Variants in DYNC1H1 observed in about 807,000 individuals in gnomAD.
DYNC1H1 encodes cytoplasmic dynein 1 heavy chain 1.
DYNC1H1 carries 51 observed loss-of-function variants against 527.1 expected under a neutral mutation model. The ratio of observed to expected loss-of-function variants is 0.10; its 90% CI spans 0.08 to 0.12. The LOEUF is 0.12. Ranked by LOEUF, DYNC1H1 falls within the 10% of genes least tolerant of loss-of-function variation. The pLI is 1.00. For synonymous variants in DYNC1H1, 2,189 were observed against 2,278.8 expected (o/e 0.96, Z 1.12); for missense variants, 2,771 against 5,971.8 (o/e 0.46, Z 17.66).
Position 102,038,039 on chromosome 14 carries a change from CAG to C in DYNC1H1, c.10909-418_10909-417del, listed in dbSNP as rs1165851340. ...TTTTTTATTTTATGTTTTTTTGAGA[CAG>C]AGTGTTGCTCTGTCCCCCAGTCTGA... On this transcript the variant is annotated intron_variant, in intron 57 of 77. Transcript: ENST00000360184. The surrounding 1 kb of genome is among the most constrained non-coding windows in gnomAD (Gnocchi z 7.2). The C allele has an allele frequency of 4.4e-5, 13 of 298,348 alleles. No individual in the cohort carries two copies. Among genetic ancestry groups the C allele is most frequent in the African/African-American group, 2.8e-4 (13 of 45,776 alleles). 18.5% of individuals were successfully genotyped at this position (298,348 alleles called of 1,614,324 possible).
At position 102,011,867 on chromosome 14, in the gene DYNC1H1, C is replaced by T. The variant is rs374319743; in HGVS notation, c.6619-8C>T. The T allele has an allele frequency of 1.2e-6, 2 of 1,613,882 alleles. No individual in the cohort carries two copies. Among genetic ancestry groups the T allele is most frequent in the Non-Finnish European group, 1.7e-6 (2 of 1,179,906 alleles). Reference sequence around the variant, plus strand: ...ATGGTCACTGTGCTGGTCTGTTGGGCCCTGCAGGTTCTCCAGCTCTATCAG... The same window carrying T: ...ATGGTCACTGTGCTGGTCTGTTGGGTCCTGCAGGTTCTCCAGCTCTATCAG... On this transcript the variant is annotated splice_region_variant and splice_polypyrimidine_tract_variant and intron_variant, in intron 32 of 77. Transcript: ENST00000360184. This position sits in a 1 kb window ranked among gnomAD's most constrained non-coding sequence, Gnocchi z 5.3.
rs2048324234 is a variant in DYNC1H1, at chr14:102,016,485, A to G, written c.7610A>G (p.Tyr2537Cys). ...PTAPNIPIID[Y>C]EVSISGEWSP... ...GCGCCCAACATACCCATTATCGATT[A>G]TGAGGTGAGCATGCAGCTACCACCC... Residue 2537 changes from tyrosine to cysteine, a missense_variant, in exon 37 of 78, where the codon TAT becomes TGT. By Grantham distance (194) the Tyr-to-Cys change is radical. Transcript: ENST00000360184. The surrounding 1 kb of genome is among the most constrained non-coding windows in gnomAD (Gnocchi z 7.3). 3 of 1,614,162 alleles carry G rather than the reference A, an allele frequency of 1.9e-6. No individual in the cohort carries two copies. Among genetic ancestry groups the G allele is most frequent in the South Asian group, 1.1e-5 (1 of 91,084 alleles).
intron 69 of DYNC1H1, 137 bp from the exon 70 acceptor site, chr14:102,043,737 GC>G: frequency 8.6e-7 from 1 of 1,156,770 alleles, no homozygotes; most frequent in Non-Finnish European, 1.3e-6. Context: ...TCTCCTAGCA[GC>G]AGTACTCATG....
At chr14:101,973,976 T>C (rs1049648086) in intron 1 of DYNC1H1, among the ~76,000 whole-genome samples, 1 of 152,174 alleles carries the variant, frequency 6.6e-6, no homozygotes, top group East Asian at 1.9e-4. Context: ...TACTGCCTGC[T>C]CCACCACCCA....
Position 102,039,284 on chromosome 14 carries a change from G to C in DYNC1H1, c.11460+30G>C. The C allele has an allele frequency of 6.2e-7, 1 of 1,611,834 alleles. No individual in the cohort carries two copies. Among genetic ancestry groups the C allele is most frequent in the Non-Finnish European group, 8.5e-7 (1 of 1,180,004 alleles). Reference sequence around the variant, plus strand: ...GTGCCTTGGCCATGCAGAGACTGGCGGGCCCCGCACAGTAGCTCCTTGGCC... The same window carrying C: ...GTGCCTTGGCCATGCAGAGACTGGCCGGCCCCGCACAGTAGCTCCTTGGCC... On this transcript the variant is annotated intron_variant, in intron 60 of 77. Coordinates refer to ENST00000360184, the MANE Select transcript of DYNC1H1 (RefSeq NM_001376.5). The surrounding 1 kb of genome is among the most constrained non-coding windows in gnomAD (Gnocchi z 7.0).
At chr14:101,975,344 T>C (rs1257300828) in intron 1 of DYNC1H1, among the ~76,000 whole-genome samples, 1 of 152,238 alleles carries the variant, frequency 6.6e-6, no homozygotes, top group Non-Finnish European at 1.5e-5. Context: ...AAGTGACTTC[T>C]GTGTTTGAAG....
In DYNC1H1 at chr14:102,015,270, G is replaced by A; in HGVS notation, c.7180G>A (p.Ala2394Thr). The change falls in exon 35 of 78, where the codon GCA becomes ACA. Residue 2394 changes from alanine (A) to threonine (T), a missense_variant. By Grantham distance (58) the Ala-to-Thr change is moderately conservative. Around this residue, in one of 32 missense-constraint regions of DYNC1H1, gnomAD observed 122 missense variants for 168.4 expected, o/e 0.72. Coordinates refer to ENST00000360184, the MANE Select transcript of DYNC1H1 (RefSeq NM_001376.5). The surrounding 1 kb of genome is among the most constrained non-coding windows in gnomAD (Gnocchi z 6.9). Reference protein sequence around the residue: ...SIPLDEGEDEAQRRRKGKEDE... With the variant: ...SIPLDEGEDETQRRRKGKEDE... ...CCCGCTGGATGAAGGGGAGGATGAG[G>A]CACAGCGGCGGCGTAAGGGCAAAGA... The A allele has an allele frequency of 6.2e-7, 1 of 1,614,206 alleles. No individual in the cohort carries two copies. The highest frequency in any genetic ancestry group is 8.5e-7 in the Non-Finnish European group (1 of 1,180,042).
chr14:102,040,745 C>G, intron 64 of DYNC1H1, 72 bp downstream of exon 64: 2 of 1,542,360 alleles, frequency 1.3e-6, no homozygotes. Flanking sequence ...GGGATGCTTT[C>G]AAAAAACACA....
At chr14:101,977,469 T>C (rs2047814568) in intron 2 of DYNC1H1, among the ~76,000 whole-genome samples, 1 of 152,218 alleles carries the variant, frequency 6.6e-6, no homozygotes, top group African/African-American at 2.4e-5. Flanking sequence ...CCCTAAATAC[T>C]TGTGTGTATT....
chr14:101,989,201 ATTAAAT>A (rs967978896), intron 10 of DYNC1H1, among the ~76,000 whole-genome samples: 8 of 152,368 alleles, frequency 5.3e-5, no homozygotes, highest in African/African-American at 1.9e-4. Flanking sequence ...AAAATGAAAA[ATTAAAT>A]TTTAGGAAAA....
At chr14:102,024,069 T>G (rs534440566) in intron 43 of DYNC1H1, among the ~76,000 whole-genome samples, 1 of 152,208 alleles carries the variant, frequency 6.6e-6, no homozygotes, top group Admixed American at 6.5e-5. Flanking sequence ...GACTTCTGTG[T>G]GAGGGTCGAG....
Position 101,994,201 on chromosome 14 carries a change from A to T in DYNC1H1, c.3033A>T (p.Glu1011Asp), listed in dbSNP as rs755543897. The T allele has an allele frequency of 6.2e-7, 1 of 1,614,090 alleles. No individual in the cohort carries two copies. The highest frequency in any genetic ancestry group is 1.7e-5 in the Admixed American group (1 of 60,004). The part of the protein sequence containing the change: ...SQRYQVGVHY[E>D]LTEEEKFYRN... Reference sequence around the variant, plus strand: ...TTGGCTAGGTGGGTGTACATTACGAATTGACTGAGGAAGAGAAATTCTATC... The same window carrying T: ...TTGGCTAGGTGGGTGTACATTACGATTTGACTGAGGAAGAGAAATTCTATC... The change falls in exon 12 of 78, where the codon GAA becomes GAT. Residue 1011 changes from glutamate (E) to aspartate (D), a missense_variant. Around this residue, in one of 32 missense-constraint regions of DYNC1H1, gnomAD observed 179 missense variants for 349.4 expected, o/e 0.51. Transcript: ENST00000360184.
At chr14:101,991,391 G>A in intron 10 of DYNC1H1, 136 bp from the exon 11 acceptor site, 1 of 1,011,768 alleles carries the variant, frequency 9.9e-7, no homozygotes, top group Non-Finnish European at 1.5e-6. Context: ...CTTGAACCCG[G>A]GAGGCGGAGG....
chr14:101,974,444 A>G (rs911158204), intron 1 of DYNC1H1, among the ~76,000 whole-genome samples: 25 of 152,212 alleles, frequency 1.6e-4, no homozygotes, highest in African/African-American at 6.0e-4. Context: ...AACTATGTAT[A>G]AAATAATCAT....
Position 102,041,435 on chromosome 14 carries a change from C to T in DYNC1H1, c.11942-139C>T, listed in dbSNP as rs2048648075. The T allele has an allele frequency of 1.4e-6, 2 of 1,397,670 alleles. No individual in the cohort carries two copies. The highest frequency in any genetic ancestry group is 2.3e-5 in the South Asian group (2 of 85,460). 86.6% of individuals were successfully genotyped at this position (1,397,670 alleles called of 1,614,324 possible). ...CTCACGGAAGGCACAGCAGATGTGG[C>T]TGAATTTCCTGATTTGAGCTGATCC... On this transcript the variant is annotated intron_variant, in intron 64 of 77. Transcript: ENST00000360184. The surrounding 1 kb of genome is among the most constrained non-coding windows in gnomAD (Gnocchi z 4.5).
intron 18 of DYNC1H1, 39 bp downstream of exon 18, chr14:102,000,438 A>G: frequency 6.3e-7 from 1 of 1,591,484 alleles, no homozygotes; most frequent in East Asian, 2.2e-5. Flanking sequence ...GTCTATTTTA[A>G]CAGTTACAGA....
chr14:102,039,373 G>A lies in DYNC1H1; in HGVS notation c.11461-39G>A, dbSNP rs142423898. The A allele has an allele frequency of 3.4e-4, 541 of 1,614,068 alleles. 2 individuals carry two copies. In the African/African-American group the frequency reaches 5.8e-3, roughly 17 times the overall value. ...CCACGCAGAAGTTCAGCGGGGTGCC[G>A]AGGGAGCTGCCTCACCGCTGCCCAC... On this transcript the variant is annotated intron_variant, in intron 60 of 77. Transcript: ENST00000360184. The surrounding 1 kb of genome is among the most constrained non-coding windows in gnomAD (Gnocchi z 7.0).
chr14:102,043,810 T>TCTGCA lies in DYNC1H1; in HGVS notation c.12514-61_12514-57dup, dbSNP rs1567023257. Reference sequence around the variant, plus strand: ...TTGTAAAGCTTTGACTGACCTGGCATCTGCACTGTTCTTGGCGAAGTGCTG... The same window carrying TCTGCA: ...TTGTAAAGCTTTGACTGACCTGGCATCTGCACTGCACTGTTCTTGGCGAAGTGCTG... On this transcript the variant is annotated intron_variant, in intron 69 of 77. Transcript: ENST00000360184. The TCTGCA allele has an allele frequency of 6.0e-5, 97 of 1,610,810 alleles. 1 individual carries two copies. In the East Asian group the frequency reaches 2.1e-3, roughly 35 times the overall value.
Position 102,039,494 on chromosome 14 carries a change from G to T in DYNC1H1, c.11543G>T (p.Gly3848Val), listed in dbSNP as rs754712755. Reference protein sequence around the residue: ...NVLYENPNLKGVTDHTQRLSI... With the variant: ...NVLYENPNLKVVTDHTQRLSI... The stretch of plus-strand genomic sequence containing the variant: ...CTATACGAGAACCCGAACCTGAAGG[G>T]TGTCACCGACCACACACAGCGCCTG... Residue 3848 changes from glycine to valine, a missense_variant, in exon 61 of 78, where the codon GGT (glycine) becomes GTT (valine). Physicochemically the swap from Gly to Val is moderately radical, Grantham distance 109. Transcript: ENST00000360184. The surrounding 1 kb of genome is among the most constrained non-coding windows in gnomAD (Gnocchi z 7.0). 3.1e-6 allele frequency: 5 copies of T among 1,614,110 alleles called. No individual in the cohort carries two copies. Among genetic ancestry groups the T allele is most frequent in the Non-Finnish European group, 4.2e-6 (5 of 1,180,056 alleles).
Sources: gnomAD v4.1 joint callset for allele counts (sites outside exome capture counted in the v4.1 genomes callset) on GRCh38, gnomAD v4.1.1 for gene constraint, gnomAD v4.1.1 regional missense constraint, Gnocchi (gnomAD v3.1) non-coding constraint, MANE v1.5 for transcripts, NCBI Gene and HGNC (gene_info 2026-07-23, HGNC 2026-07-21) for gene names.